Variants in AFG2B observed in about 807,000 individuals in gnomAD.
AFG2B encodes ATPase family gene 2 protein homolog B.
At chr15:45,416,322 G>A in the AFG2B span, among the ~76,000 whole-genome samples, 29 of 152,224 alleles carry the variant, frequency 1.9e-4, no homozygotes, top group Admixed American at 4.6e-4. Context: ...TCTTAGTAAT[G>A]GAACATTTCC....
At chr15:45,406,386 A>T in the AFG2B span, among the ~76,000 whole-genome samples, 3 of 152,170 alleles carry the variant, frequency 2.0e-5, no homozygotes, top group East Asian at 5.8e-4. Flanking sequence ...GGTGTCTGTG[A>T]GATTTCTCCA....
chr15:45,414,548 C>G, the AFG2B span: 2 of 1,605,470 alleles, frequency 1.2e-6, no homozygotes, highest in Admixed American at 1.7e-5. Context: ...TAAAACAACT[C>G]TTCTCTTTTT....
At chr15:45,404,443 G>A in the AFG2B span, among the ~76,000 whole-genome samples, 1 of 152,094 alleles carries the variant, frequency 6.6e-6, no homozygotes, top group Non-Finnish European at 1.5e-5. Context: ...TAAAGTATAC[G>A]TAAAGTGCAC....
At chr15:45,403,119 C>T in the AFG2B span, 4 of 1,497,266 alleles carry the variant, frequency 2.7e-6, no homozygotes, top group South Asian at 5.0e-5. Flanking sequence ...CCGCGCTGGG[C>T]TTAGCGGTGC....
chr15:45,417,200 G>A, the AFG2B span: 1 of 1,559,898 alleles, frequency 6.4e-7, no homozygotes, highest in South Asian at 1.2e-5. Flanking sequence ...TAGACCTTCT[G>A]ATTTATAATT....
the AFG2B span, among the ~76,000 whole-genome samples, chr15:45,412,363 T>G: frequency 6.6e-6 from 1 of 151,866 alleles, no homozygotes; most frequent in Non-Finnish European, 1.5e-5. Flanking sequence ...GTTGCACCAC[T>G]GCACTCTAGC....
At chr15:45,417,683 T>C in the AFG2B span, 1 of 291,418 alleles carries the variant, frequency 3.4e-6, no homozygotes, top group Non-Finnish European at 6.6e-6. Flanking sequence ...TCCTAAAGTG[T>C]TAAAAGGGCT....
the AFG2B span, chr15:45,405,466 TAGGG>T: frequency 6.2e-7 from 1 of 1,613,886 alleles, no homozygotes; most frequent in Middle Eastern, 1.7e-4. Flanking sequence ...CAGCACTCTG[TAGGG>T]AGGCTGCCAT....
chr15:45,417,234 A>G, the AFG2B span: 2 of 1,597,798 alleles, frequency 1.3e-6, no homozygotes, highest in Admixed American at 1.7e-5. Flanking sequence ...TTAACAACTG[A>G]TTGACATTAC....
chr15:45,403,549 C>G, the AFG2B span: 32 of 1,587,802 alleles, frequency 2.0e-5, no homozygotes, highest in East Asian at 4.7e-4. Context: ...TGCCCACTGT[C>G]GGTGGAACCT....
chr15:45,421,344 A>G, the AFG2B span: 1 of 589,574 alleles, frequency 1.7e-6, no homozygotes, highest in Non-Finnish European at 2.7e-6. Flanking sequence ...AAACAAAAAA[A>G]ACTTGTGCCT....
the AFG2B span, chr15:45,410,303 A>C: frequency 1.9e-5 from 30 of 1,539,292 alleles, 1 homozygote; most frequent in South Asian, 2.7e-4. Context: ...TTTAAAAACA[A>C]ATTGTGCTAT....
At chr15:45,403,212 G>A in the AFG2B span, 4 of 1,497,970 alleles carry the variant, frequency 2.7e-6, no homozygotes, top group African/African-American at 1.5e-5. Flanking sequence ...CGGGCGCGGA[G>A]CTGCTGGCAG....
chr15:45,402,756 C>A, the AFG2B span: 1 of 1,575,854 alleles, frequency 6.3e-7, no homozygotes, highest in Non-Finnish European at 8.6e-7. Context: ...CCCTGCGGCG[C>A]GTCGCCGTGT....
chr15:45,417,399 G>A, the AFG2B span: 1 of 1,613,728 alleles, frequency 6.2e-7, no homozygotes, highest in Non-Finnish European at 8.5e-7. Flanking sequence ...CAGATCACAA[G>A]GTAGTCATTT....
At chr15:45,418,204 T>C in the AFG2B span, among the ~76,000 whole-genome samples, 2 of 151,676 alleles carry the variant, frequency 1.3e-5, no homozygotes, top group African/African-American at 4.8e-5. Flanking sequence ...ATTAGCTGGA[T>C]GTGGTGGCAG....
the AFG2B span, chr15:45,418,647 T>C: frequency 6.2e-7 from 1 of 1,614,118 alleles, no homozygotes; most frequent in South Asian, 1.1e-5. Context: ...AACCTGTTTT[T>C]TTTCTGGAGC....
chr15:45,407,103 G>C, the AFG2B span: 1 of 1,289,206 alleles, frequency 7.8e-7, no homozygotes. Context: ...GGAGCCCACT[G>C]CTACTTCAGG....
chr15:45,414,482 G>A, the AFG2B span: 1 of 1,257,454 alleles, frequency 8.0e-7, no homozygotes, highest in Non-Finnish European at 1.1e-6. Context: ...AGGAGGCTGA[G>A]AATTGTTAAA....
Sources: gnomAD v4.1 joint callset for allele counts (sites outside exome capture counted in the v4.1 genomes callset) on GRCh38, gnomAD v4.1.1 for gene constraint, MANE v1.5 for transcripts, NCBI Gene and HGNC (gene_info 2026-07-23, HGNC 2026-07-21) for gene names.